PLCL1: variants seen among roughly 807,000 people sequenced by gnomAD.
The protein encoded by PLCL1 is inactive phospholipase C-like protein 1.
A neutral mutation model predicts 84.4 loss-of-function variants in PLCL1; 41 were observed. The ratio of observed to expected loss-of-function variants is 0.49; its 90% CI spans 0.38 to 0.63. The LOEUF is 0.63. Ranked by LOEUF, PLCL1 falls within the 30% of genes least tolerant of loss-of-function variation. The pLI is 0.00. For synonymous variants in PLCL1, 490 were observed against 488.3 expected (o/e 1.00, Z -0.05); for missense variants, 1,206 against 1,367.8 (o/e 0.88, Z 1.87).
intron 5 of PLCL1, among the ~76,000 whole-genome samples, chr2:198,120,765 G>C (rs796217272): frequency 6.6e-6 from 1 of 152,046 alleles, no homozygotes; most frequent in Non-Finnish European, 1.5e-5. Context: ...TATGAATAGT[G>C]CTGCAATAAA....
In PLCL1 at chr2:198,051,889, C is replaced by T. The variant is rs189989200; in HGVS notation, c.241-31869C>T. Among the ~76,000 whole-genome samples the T allele has an allele frequency of 1.9e-4, 29 of 150,910 alleles. No individual in the cohort carries two copies. In the East Asian group the frequency reaches 2.3e-3, roughly 12 times the overall value. Reference sequence around the variant, plus strand: ...CTGGGACTACAGGCATGTGCCACCACGGCCAGCTAATTATCATTATTATTA... The same window carrying T: ...CTGGGACTACAGGCATGTGCCACCATGGCCAGCTAATTATCATTATTATTA... On this transcript the variant is annotated intron_variant, in intron 1 of 5. Coordinates refer to ENST00000428675, the MANE Select transcript of PLCL1 (RefSeq NM_006226.4).
At chr2:198,098,852 T>C (rs985108374) in intron 3 of PLCL1, among the ~76,000 whole-genome samples, 1 of 152,182 alleles carries the variant, frequency 6.6e-6, no homozygotes, top group Non-Finnish European at 1.5e-5. Context: ...TGAGTAACAG[T>C]ATCACTGCCC....
At chr2:197,838,214 G>A in intron 1 of PLCL1, among the ~76,000 whole-genome samples, 1 of 152,152 alleles carries the variant, frequency 6.6e-6, no homozygotes, top group Admixed American at 6.6e-5. Context: ...ATCTTTTAGA[G>A]TTTCAGTTTC....
intron 1 of PLCL1, among the ~76,000 whole-genome samples, chr2:197,843,430 T>A (rs1185866380): frequency 1.3e-5 from 2 of 152,240 alleles, no homozygotes; most frequent in African/African-American, 4.8e-5. Context: ...ACTTTAGATA[T>A]TCCCTGTGTG....
rs202222782 is a variant in PLCL1, at chr2:197,837,951, A to AT, written c.240+32621dup. On this transcript the variant is annotated intron_variant, in intron 1 of 5. Transcript: ENST00000428675. The stretch of plus-strand genomic sequence containing the variant: ...TTTTCAAAGATTGCTATAAACTGTG[A>AT]TTTTTTTTTCAAAGAACAAATAGTC... Among the ~76,000 whole-genome samples the AT allele has an allele frequency of 5.5e-4, 83 of 151,426 alleles. 1 individual carries two copies. Among genetic ancestry groups the AT allele is most frequent in the Admixed American group, 1.7e-3 (26 of 15,218 alleles).
chr2:198,069,161 G>GT lies in PLCL1; in HGVS notation c.241-14582dup, dbSNP rs536388625. ...TGCCAAGAAAGTAAGCCACCTGGCA[G>GT]TTTTTTTTTTTTTTTAAAGTGAACC... On this transcript the variant is annotated intron_variant, in intron 1 of 5. Coordinates refer to ENST00000428675, the MANE Select transcript of PLCL1 (RefSeq NM_006226.4). Among the ~76,000 whole-genome samples, 1,270 of 143,976 alleles carry GT rather than the reference G, an allele frequency of 8.8e-3. 4 individuals are homozygous for GT. Among genetic ancestry groups the GT allele is most frequent in the South Asian group, 0.024 (106 of 4,484 alleles). The allele number at this position is 143,976 out of a possible 152,430, so 94.5% of individuals were successfully genotyped here. A position where few individuals can be genotyped will look rare whatever the true frequency, so the allele number is the denominator to read the frequency against.
At chr2:197,995,033 A>T (rs189146229) in intron 1 of PLCL1, among the ~76,000 whole-genome samples, 1 of 152,280 alleles carries the variant, frequency 6.6e-6, no homozygotes, top group African/African-American at 2.4e-5. Flanking sequence ...AAATGAGTTT[A>T]GTGGAATTCT....
intron 1 of PLCL1, among the ~76,000 whole-genome samples, chr2:197,906,976 G>C (rs1688396169): frequency 1.3e-5 from 2 of 152,054 alleles, no homozygotes; most frequent in African/African-American, 4.8e-5. Flanking sequence ...GAGATGCTGG[G>C]GTTTTCTAAA....
intron 5 of PLCL1, among the ~76,000 whole-genome samples, chr2:198,110,105 A>G (rs192563477): frequency 1.3e-3 from 203 of 151,970 alleles, no homozygotes; most frequent in African/African-American, 4.5e-3. Flanking sequence ...AAAAATGAAT[A>G]TAACTATTAC....
chr2:198,115,263 T>A (rs1693717039), intron 5 of PLCL1, among the ~76,000 whole-genome samples: 1 of 151,740 alleles, frequency 6.6e-6, no homozygotes, highest in African/African-American at 2.4e-5. Flanking sequence ...CAAGTCCAGG[T>A]AGTAGGTATC....
rs79202495 is a variant in PLCL1, at chr2:198,124,146, C to T, written c.3105+20210C>T. ...AGAAAAATGTAATTTAATTAGGATG[C>T]ATTTTTATGTAAAGTGGGGTGCCCT... On this transcript the variant is annotated intron_variant, in intron 5 of 5. Transcript: ENST00000428675. 2.1e-3 allele frequency among the ~76,000 whole-genome samples: 325 copies of T among 152,194 alleles called. 2 individuals carry two copies. Among genetic ancestry groups the T allele is most frequent in the Middle Eastern group, 3.4e-3 (1 of 292 alleles).
At chr2:198,091,001 G>A (rs1274062772) in intron 3 of PLCL1, among the ~76,000 whole-genome samples, 1 of 152,172 alleles carries the variant, frequency 6.6e-6, no homozygotes, top group African/African-American at 2.4e-5. Flanking sequence ...AATTGTAATT[G>A]CAGGCAGAGC....
intron 1 of PLCL1, among the ~76,000 whole-genome samples, chr2:198,042,829 T>A (rs113543453): frequency 6.6e-6 from 1 of 152,024 alleles, no homozygotes; most frequent in Non-Finnish European, 1.5e-5. Context: ...CACCAGTTAT[T>A]TGAGAGGAAG....
chr2:198,027,062 C>T (rs1443632500), intron 1 of PLCL1, among the ~76,000 whole-genome samples: 1 of 152,170 alleles, frequency 6.6e-6, no homozygotes, highest in Non-Finnish European at 1.5e-5. Context: ...TAGCTGCACT[C>T]CCACGTTCAT....
At chr2:197,947,557 C>T (rs755319701) in intron 1 of PLCL1, among the ~76,000 whole-genome samples, 3 of 152,164 alleles carry the variant, frequency 2.0e-5, no homozygotes, top group Admixed American at 6.5e-5. Flanking sequence ...TGAAGATGAG[C>T]AGTGGTGGGG....
intron 1 of PLCL1, among the ~76,000 whole-genome samples, chr2:197,812,875 T>C (rs1690614681): frequency 6.6e-6 from 1 of 152,156 alleles, no homozygotes; most frequent in Non-Finnish European, 1.5e-5. Flanking sequence ...TGTAGAACCC[T>C]AGAAAGCTAG....
intron 5 of PLCL1, among the ~76,000 whole-genome samples, chr2:198,114,354 C>CT (rs914995077): frequency 4.0e-4 from 60 of 148,940 alleles, no homozygotes; most frequent in Admixed American, 2.9e-3. Context: ...TGGAGGTACA[C>CT]TTTTTTTTTT....
In PLCL1 at chr2:198,022,349, G is replaced by T. The variant is rs561925790; in HGVS notation, c.241-61409G>T. Among the ~76,000 whole-genome samples the T allele has an allele frequency of 6.6e-5, 10 of 152,254 alleles. No individual in the cohort carries two copies. The South Asian group carries it at 1.5e-3, about 22-fold the overall frequency. ...CCTTTGAAAACCGACACAAGACAAG[G>T]ATGCCCTCTCTCACCACTCCTATTC... On this transcript the variant is annotated intron_variant, in intron 1 of 5. Coordinates refer to ENST00000428675, the MANE Select transcript of PLCL1 (RefSeq NM_006226.4).
chr2:197,929,156 T>C (rs887673494), intron 1 of PLCL1, among the ~76,000 whole-genome samples: 7 of 152,194 alleles, frequency 4.6e-5, no homozygotes, highest in African/African-American at 1.4e-4. Context: ...ATTAATGCCA[T>C]AGTGACATTT....
Sources: allele counts gnomAD v4.1 joint callset (sites outside exome capture counted in the v4.1 genomes callset), GRCh38; gene constraint gnomAD v4.1.1; transcripts MANE v1.5; gene names NCBI Gene and HGNC (gene_info 2026-07-23, HGNC 2026-07-21).